Variants in RANBP2 observed in about 807,000 individuals in gnomAD.
The protein encoded by RANBP2 is E3 SUMO-protein ligase RanBP2.
Under a neutral mutation model 303.6 loss-of-function variants are expected in RANBP2, and 57 were observed. The ratio of observed to expected loss-of-function variants is 0.19; its 90% confidence interval spans 0.15 to 0.23. The LOEUF is 0.23. Among genes scored for constraint, RANBP2 ranks in the 10% least tolerant of loss-of-function variants. The probability of loss-of-function intolerance (pLI) is 1.00; values close to 1 mark genes in which losing one functional copy is unlikely to be tolerated. For missense variants in RANBP2, 3,138 were observed against 3,780.8 expected (o/e 0.83, Z 4.46); for synonymous variants, 1,167 against 1,301.5 (o/e 0.90, Z 2.23).
At chr2:109,184,114 T>C in the RANBP2 span, among the ~76,000 whole-genome samples, 124,637 of 152,168 alleles carry the variant, frequency 0.82, 51,182 homozygotes, top group East Asian at 0.89. Flanking sequence ...ATGTGCTTCG[T>C]AGTCTCCTGC....
chr2:109,460,605 T>C, the RANBP2 span, among the ~76,000 whole-genome samples: 3 of 152,158 alleles, frequency 2.0e-5, no homozygotes, highest in African/African-American at 7.2e-5. Flanking sequence ...ATTACTAAAG[T>C]CCTCCTCTGC....
At chr2:109,130,334 G>C in the RANBP2 span, among the ~76,000 whole-genome samples, 1 of 152,326 alleles carries the variant, frequency 6.6e-6, no homozygotes, top group East Asian at 1.9e-4. Flanking sequence ...CTGTGGAGTG[G>C]GCACGCCTTC....
the RANBP2 span, among the ~76,000 whole-genome samples, chr2:109,595,912 C>T: frequency 5.9e-5 from 9 of 152,142 alleles, no homozygotes; most frequent in Middle Eastern, 3.2e-3. Flanking sequence ...TCGTTAATTC[C>T]GGACCTAACA....
chr2:109,536,671 G>T, the RANBP2 span, among the ~76,000 whole-genome samples: 8 of 152,250 alleles, frequency 5.3e-5, no homozygotes, highest in Middle Eastern at 3.4e-3. Context: ...TGAAATGTGA[G>T]GATGTGAGAT....
chr2:108,784,407 C>G lies in RANBP2; in HGVS notation c.*506C>G, dbSNP rs1175851227. On this transcript the variant is annotated 3_prime_UTR_variant, in exon 29 of 29. Transcript: ENST00000283195. ...GAGCCACAGAACGTATAGAGTTAACCAAAGTGCTCTTCTCTAGAATCTTTA... is the reference window on the plus strand; with the variant it reads ...GAGCCACAGAACGTATAGAGTTAACGAAAGTGCTCTTCTCTAGAATCTTTA... The G allele has an allele frequency of 6.5e-6, 1 of 154,292 alleles. No homozygotes were observed. The highest frequency in any genetic ancestry group is 1.4e-5 in the Non-Finnish European group (1 of 69,140). The allele number at this position is 154,292 out of a possible 1,614,324, so 9.6% of individuals were successfully genotyped here.
the RANBP2 span, among the ~76,000 whole-genome samples, chr2:109,670,683 C>T: frequency 6.6e-6 from 1 of 152,328 alleles, no homozygotes; most frequent in Non-Finnish European, 1.5e-5. Flanking sequence ...CCATGGGAAT[C>T]CTGAGCATGG....
chr2:109,508,949 G>A, the RANBP2 span, among the ~76,000 whole-genome samples: 2 of 152,210 alleles, frequency 1.3e-5, no homozygotes, highest in Non-Finnish European at 2.9e-5. Flanking sequence ...CTCCATGATG[G>A]GTCCCAGAGC....
chr2:109,631,561 A>T, the RANBP2 span, among the ~76,000 whole-genome samples: 1 of 151,988 alleles, frequency 6.6e-6, no homozygotes, highest in Non-Finnish European at 1.5e-5. Context: ...TTCGAGACCA[A>T]CCTGGACAAC....
At chr2:108,788,744 T>G (rs1209420766), downstream of RANBP2, 4 of 1,443,402 alleles carry the variant, frequency 2.8e-6, no homozygotes, top group African/African-American at 5.8e-5. Flanking sequence ...AAAAAAAAAT[T>G]TGAGAGAGAA....
chr2:109,387,662 T>G, the RANBP2 span, among the ~76,000 whole-genome samples: 1 of 152,188 alleles, frequency 6.6e-6, no homozygotes, highest in African/African-American at 2.4e-5. Flanking sequence ...CATATCCTCC[T>G]CTCATACTTT....
At chr2:108,752,498 T>G (rs1675966088) in intron 12 of RANBP2, among the ~76,000 whole-genome samples, 2 of 149,192 alleles carry the variant, frequency 1.3e-5, no homozygotes, top group African/African-American at 2.5e-5. Context: ...AGAGGCCGGG[T>G]GCGGTGGCTC....
the RANBP2 span, among the ~76,000 whole-genome samples, chr2:108,863,893 A>G: frequency 2.0e-5 from 3 of 152,202 alleles, no homozygotes; most frequent in African/African-American, 2.4e-5. Flanking sequence ...GCTTTTAGCC[A>G]TATATTTGCT....
chr2:109,025,456 C>T, the RANBP2 span, among the ~76,000 whole-genome samples: 1 of 152,098 alleles, frequency 6.6e-6, no homozygotes, highest in East Asian at 1.9e-4. Flanking sequence ...TGATTTATAA[C>T]TTGACGTACA....
rs1558921566 is a variant in RANBP2, at chr2:108,765,015, T to C, written c.4476T>C (p.Asn1492=). The part of the protein sequence containing the change: ...QWDCSACLVQ[N]EGSSTKCAAC... ...ATTGCAGTGCATGTTTGGTACAAAATGAGGGGAGCTCTACAAAATGTGCTG... is the reference window on the plus strand; with the variant it reads ...ATTGCAGTGCATGTTTGGTACAAAACGAGGGGAGCTCTACAAAATGTGCTG... The change falls in exon 20 of 29, where the codon AAT becomes AAC. Residue 1492 remains asparagine (N), a synonymous_variant. Coordinates refer to ENST00000283195, the MANE Select transcript of RANBP2 (RefSeq NM_006267.5). The C allele has an allele frequency of 6.2e-7, 1 of 1,613,982 alleles. No individual in the cohort carries two copies. Among genetic ancestry groups the C allele is most frequent in the Non-Finnish European group, 8.5e-7 (1 of 1,179,950 alleles).
the RANBP2 span, among the ~76,000 whole-genome samples, chr2:109,247,006 C>T: frequency 1.3e-5 from 2 of 152,208 alleles, no homozygotes; most frequent in African/African-American, 2.4e-5. Context: ...TCTTTCTGGT[C>T]GGACCCTCAC....
At chr2:109,630,958 C>T in the RANBP2 span, among the ~76,000 whole-genome samples, 65,820 of 151,828 alleles carry the variant, frequency 0.43, 15,374 homozygotes, top group Middle Eastern at 0.59. Flanking sequence ...CCCAGCTACT[C>T]GGGAGGCTGA....
At chr2:109,257,354 G>T in the RANBP2 span, among the ~76,000 whole-genome samples, 2 of 151,124 alleles carry the variant, frequency 1.3e-5, no homozygotes, top group Admixed American at 1.3e-4. Flanking sequence ...ATTGAGGAGG[G>T]AATGAAAGAA....
At chr2:109,356,984 G>T in the RANBP2 span, among the ~76,000 whole-genome samples, 1 of 152,118 alleles carries the variant, frequency 6.6e-6, no homozygotes, top group Non-Finnish European at 1.5e-5. Flanking sequence ...GTCCTGTAGA[G>T]ACATGCTAGC....
the RANBP2 span, among the ~76,000 whole-genome samples, chr2:109,680,375 A>C: frequency 2.0e-5 from 3 of 151,446 alleles, no homozygotes; most frequent in Admixed American, 6.6e-5. Context: ...TGTCTCAAAA[A>C]AAATAATAAA....
Sources: gnomAD v4.1 joint callset for allele counts (sites outside exome capture counted in the v4.1 genomes callset) on GRCh38, gnomAD v4.1.1 for gene constraint, MANE v1.5 for transcripts, NCBI Gene and HGNC (gene_info 2026-07-23, HGNC 2026-07-21) for gene names.